Variants in STX7 observed in about 807,000 individuals in gnomAD.
The protein encoded by STX7 is syntaxin 7, also known as syntaxin-7.
Under a neutral mutation model 39.6 loss-of-function variants are expected in STX7, and 34 were observed. The ratio of observed to expected loss-of-function variants is 0.86; its 90% CI spans 0.65 to 1.14. The LOEUF (loss-of-function observed/expected upper bound fraction) is 1.14. STX7 is among the 50% of genes most tolerant of loss of function. The pLI is 0.00. For missense variants in STX7, 284 were observed against 310.4 expected (o/e 0.92, Z 0.64); for synonymous variants, 119 against 99.1 (o/e 1.20, Z -1.19).
chr6:132,482,531 T>C (rs1189043377), intron 2 of STX7, among the ~76,000 whole-genome samples: 2 of 152,342 alleles, frequency 1.3e-5, no homozygotes, highest in Middle Eastern at 3.4e-3. Flanking sequence ...GGTTAGAATG[T>C]AGATTTCTTG....
At chr6:132,483,869 T>C (rs1250603676) in intron 2 of STX7, among the ~76,000 whole-genome samples, 2 of 152,096 alleles carry the variant, frequency 1.3e-5, no homozygotes, top group African/African-American at 4.8e-5. Context: ...AAATAAATAA[T>C]CCTCCTACTT....
In STX7 at chr6:132,454,698, A is replaced by T. The variant is rs1036825772; in HGVS notation, c.*6060T>A. ...ATGACTAAGAAAAATGTTTGACCAC[A>T]GATCAGGAAAAGACATAAGGACAAT... On this transcript the variant is annotated 3_prime_UTR_variant, in exon 10 of 10. Transcript: ENST00000367941. The T allele has an allele frequency of 6.6e-6, 1 of 152,230 alleles. No homozygotes were observed. The highest frequency in any genetic ancestry group is 2.4e-5 in the African/African-American group (1 of 41,476). The allele number at this position is 152,230 out of a possible 1,614,324, so 9.4% of individuals were successfully genotyped here.
At chr6:132,466,511 T>A (rs1026592420) in intron 8 of STX7, among the ~76,000 whole-genome samples, 1 of 152,150 alleles carries the variant, frequency 6.6e-6, no homozygotes, top group African/African-American at 2.4e-5. Context: ...AAACCATACA[T>A]AAATGAATAC....
intron 2 of STX7, among the ~76,000 whole-genome samples, chr6:132,477,556 T>A (rs575853703): frequency 1.3e-3 from 193 of 152,176 alleles, no homozygotes; most frequent in African/African-American, 4.5e-3. Flanking sequence ...ATAGTAAAAT[T>A]GAAAATATTA....
intron 2 of STX7, 77 bp downstream of exon 2, chr6:132,503,369 T>C (rs1775624115): frequency 8.1e-7 from 1 of 1,237,248 alleles, no homozygotes; most frequent in South Asian, 1.2e-5. Context: ...ATCAGCAGAG[T>C]TGTCCTTTTA....
At chr6:132,479,114 A>G (rs1475388044) in intron 2 of STX7, among the ~76,000 whole-genome samples, 1 of 152,214 alleles carries the variant, frequency 6.6e-6, no homozygotes, top group Non-Finnish European at 1.5e-5. Context: ...TTGGTGAATT[A>G]ATCTGTAGAT....
At chr6:132,491,215 T>C (rs1263387732) in intron 2 of STX7, among the ~76,000 whole-genome samples, 1 of 151,306 alleles carries the variant, frequency 6.6e-6, no homozygotes, top group African/African-American at 2.4e-5. Flanking sequence ...CAGGAGAACA[T>C]GTTGCCACAA....
intron 9 of STX7, among the ~76,000 whole-genome samples, chr6:132,463,547 T>C (rs986363693): frequency 1.3e-5 from 2 of 152,180 alleles, no homozygotes; most frequent in Non-Finnish European, 2.9e-5. Context: ...TAATATGATT[T>C]CCACAAGACC....
At chr6:132,504,335 C>T (rs920257277) in intron 1 of STX7, among the ~76,000 whole-genome samples, 1 of 152,142 alleles carries the variant, frequency 6.6e-6, no homozygotes, top group Non-Finnish European at 1.5e-5. Context: ...ACGAATGACT[C>T]TCCCCTTTCA....
intron 9 of STX7, among the ~76,000 whole-genome samples, chr6:132,462,582 G>GTGT (rs1554246700): frequency 6.9e-6 from 1 of 144,896 alleles, no homozygotes; most frequent in Non-Finnish European, 1.5e-5. Flanking sequence ...CATTTGCAGG[G>GTGT]GTGTGTGTGT....
At chr6:132,482,057 T>C (rs1395599506) in intron 2 of STX7, among the ~76,000 whole-genome samples, 2 of 152,182 alleles carry the variant, frequency 1.3e-5, no homozygotes, top group African/African-American at 2.4e-5. Context: ...GAATTTATCA[T>C]ATTGTTGACC....
At chr6:132,506,547 A>G (rs1256878560) in intron 1 of STX7, among the ~76,000 whole-genome samples, 1 of 152,210 alleles carries the variant, frequency 6.6e-6, no homozygotes, top group Non-Finnish European at 1.5e-5. Context: ...TACCACAATG[A>G]GACATCATCT....
Position 132,462,582 on chromosome 6 carries a change from G to GGTGTGTGTGT in STX7, c.693+1401_693+1410dup, listed in dbSNP as rs71952617. ...CCAGAAGACTTCTGGCATTTGCAGGGGTGTGTGTGTGTGTGTGTGTGTGTG... is the reference window on the plus strand; with the variant it reads ...CCAGAAGACTTCTGGCATTTGCAGGGGTGTGTGTGTGTGTGTGTGTGTGTGTGTGTGTGTG... On this transcript the variant is annotated intron_variant, in intron 9 of 9. Coordinates refer to ENST00000367941, the MANE Select transcript of STX7 (RefSeq NM_003569.3). 3.7e-3 allele frequency among the ~76,000 whole-genome samples: 541 copies of GGTGTGTGTGT among 144,978 alleles called. 3 individuals carry two copies. Among genetic ancestry groups the GGTGTGTGTGT allele is most frequent in the African/African-American group, 0.012 (472 of 38,742 alleles).
At chr6:132,473,108 G>A (rs1007791968) in intron 3 of STX7, among the ~76,000 whole-genome samples, 1 of 152,162 alleles carries the variant, frequency 6.6e-6, no homozygotes, top group Non-Finnish European at 1.5e-5. Flanking sequence ...GCAATGAGCT[G>A]AGATTGCACC....
chr6:132,482,699 G>A (rs1775042284), intron 2 of STX7, among the ~76,000 whole-genome samples: 2 of 152,196 alleles, frequency 1.3e-5, no homozygotes, highest in South Asian at 4.1e-4. Flanking sequence ...GTTGAATTGA[G>A]ATGTTAGATG....
At chr6:132,509,409 G>A (rs970566776) in intron 1 of STX7, among the ~76,000 whole-genome samples, 3 of 148,862 alleles carry the variant, frequency 2.0e-5, no homozygotes, top group African/African-American at 7.6e-5. Context: ...CCAAGATCAC[G>A]CCACTGCACT....
At chr6:132,497,442 G>T (rs1022200925) in intron 2 of STX7, among the ~76,000 whole-genome samples, 1 of 152,154 alleles carries the variant, frequency 6.6e-6, no homozygotes, top group African/African-American at 2.4e-5. Context: ...GGTTTTAGGG[G>T]ACTAAGGAAT....
rs3757299 is a variant in STX7, at chr6:132,464,085, A to C, written c.611-10T>G. 350,219 of 1,610,954 alleles carry C rather than the reference A, an allele frequency of 0.22. 38,582 individuals carry two copies. The highest frequency in any genetic ancestry group is 0.28 in the Middle Eastern group (1,680 of 6,050). On this transcript the variant is annotated splice_polypyrimidine_tract_variant and intron_variant, in intron 8 of 9. Coordinates refer to ENST00000367941, the MANE Select transcript of STX7 (RefSeq NM_003569.3). The stretch of plus-strand genomic sequence containing the variant: ...TTGGCTTCTATGCTATCTGTAAAAT[A>C]AAACACACACACACAAATGTGTTAA...
rs1192268520 is a variant in STX7, at chr6:132,460,542, G to C, written c.*216C>G. 3 of 385,314 alleles carry C rather than the reference G, an allele frequency of 7.8e-6. No homozygotes were observed. Among genetic ancestry groups the C allele is most frequent in the Non-Finnish European group, 1.4e-5 (3 of 216,684 alleles). The allele number at this position is 385,314 out of a possible 1,614,324, so 23.9% of individuals were successfully genotyped here. On this transcript the variant is annotated 3_prime_UTR_variant, in exon 10 of 10. Coordinates refer to ENST00000367941, the MANE Select transcript of STX7 (RefSeq NM_003569.3). ...ACAACTATTAAATTGAAGACCAAGG[G>C]AGTTATGTCAGCAGTGACATTTAGA...
Sources: gnomAD v4.1 joint callset for allele counts (sites outside exome capture counted in the v4.1 genomes callset) on GRCh38, gnomAD v4.1.1 for gene constraint, MANE v1.5 for transcripts, NCBI Gene and HGNC (gene_info 2026-07-23, HGNC 2026-07-21) for gene names.